The following NDE1 variants were observed in gnomAD, a reference collection of about 807,000 sequenced individuals.
NDE1 encodes nudE neurodevelopment protein 1.
In NDE1, 28 loss-of-function variants were observed where a neutral mutation model predicts 43.4. The observed-to-expected ratio is 0.65, with a 90% CI of 0.48 to 0.89. NDE1 has a LOEUF of 0.89. Ranked by LOEUF, NDE1 falls within the 40% of genes least tolerant of loss-of-function variation. The pLI, the probability that NDE1 is intolerant of heterozygous loss-of-function variation, is 0.00. For synonymous variants in NDE1, 184 were observed against 172.0 expected (o/e 1.07, Z -0.55); for missense variants, 441 against 434.1 (o/e 1.02, Z -0.14).
chr16:15,658,511 A>C (rs897887907), intron 1 of NDE1, among the ~76,000 whole-genome samples: 11 of 152,124 alleles, frequency 7.2e-5, no homozygotes, highest in Non-Finnish European at 4.4e-5. Context: ...GTGGAGGATG[A>C]TGTCAGATCC....
intron 2 of NDE1, among the ~76,000 whole-genome samples, chr16:15,666,004 C>G (rs1029260930): frequency 6.6e-6 from 1 of 152,104 alleles, no homozygotes; most frequent in Admixed American, 6.6e-5. Context: ...GATCCACTTG[C>G]CTCGGCTTCC....
At chr16:15,711,756 G>A (rs2039809713) in intron 8 of NDE1, among the ~76,000 whole-genome samples, 2 of 152,004 alleles carry the variant, frequency 1.3e-5, no homozygotes, top group Non-Finnish European at 2.9e-5. Flanking sequence ...GCAGTGGTGC[G>A]ATCTCAGCTC....
intron 3 of NDE1, among the ~76,000 whole-genome samples, chr16:15,670,746 C>G (rs941340946): frequency 6.6e-6 from 1 of 151,740 alleles, no homozygotes; most frequent in African/African-American, 2.4e-5. Context: ...GTGTTGCTGA[C>G]ACTTGGTGCT....
upstream of NDE1, among the ~76,000 whole-genome samples, chr16:15,649,638 T>C (rs1010851542): frequency 6.6e-6 from 1 of 152,182 alleles, no homozygotes; most frequent in African/African-American, 2.4e-5. Context: ...TGGCGTTTTA[T>C]AGATGGGGAA....
intron 1 of NDE1, 24 bp from the exon 2 acceptor site, chr16:15,664,712 T>C (rs1156646797): frequency 8.2e-7 from 1 of 1,215,232 alleles, no homozygotes; most frequent in Non-Finnish European, 1.2e-6. Context: ...ATGTGGGTAA[T>C]CATTTTGAAA....
In NDE1 at chr16:15,725,352, G is replaced by A. The variant is rs569742251; in HGVS notation, c.*1101G>A. ...AAGCAGCAGGTCTGAGAGTCCAGAC[G>A]AGGTGCTCTGGCTGGTCCACTCTCT... On this transcript the variant is annotated 3_prime_UTR_variant, in exon 9 of 9. Coordinates refer to ENST00000396354, the MANE Select transcript of NDE1 (RefSeq NM_017668.3). 5.3e-4 allele frequency: 297 copies of A among 560,014 alleles called. No individual in the cohort carries two copies. Among genetic ancestry groups the A allele is most frequent in the African/African-American group, 5.0e-3 (264 of 53,222 alleles). The allele number at this position is 560,014 out of a possible 1,614,324, so 34.7% of individuals were successfully genotyped here.
At chr16:15,712,351 G>A (rs887735890) in intron 8 of NDE1, among the ~76,000 whole-genome samples, 3 of 152,086 alleles carry the variant, frequency 2.0e-5, no homozygotes, top group African/African-American at 7.2e-5. Flanking sequence ...TAGCGCTGGG[G>A]AGAGATGAAA....
chr16:15,717,055 C>A (rs144011757), intron 8 of NDE1: 1 of 1,414,970 alleles, frequency 7.1e-7, no homozygotes, highest in Non-Finnish European at 1.0e-6. Context: ...AGAACTGATG[C>A]TGGAAGAGGT....
chr16:15,694,673 T>G (rs1019064489), intron 7 of NDE1: 140 of 985,354 alleles, frequency 1.4e-4, no homozygotes, highest in Non-Finnish European at 1.6e-4. Flanking sequence ...TGGTGAGTTT[T>G]AGGTGTGGCT....
intron 3 of NDE1, 105 bp downstream of exon 3, chr16:15,667,544 C>G: frequency 7.3e-7 from 1 of 1,376,264 alleles, no homozygotes; most frequent in Non-Finnish European, 1.0e-6. Flanking sequence ...CTCCAGACCC[C>G]AGGCCCATGC....
At chr16:15,681,858 C>T (rs543368933) in intron 4 of NDE1, among the ~76,000 whole-genome samples, 3 of 152,062 alleles carry the variant, frequency 2.0e-5, no homozygotes, top group Non-Finnish European at 4.4e-5. Context: ...GGATTACAGG[C>T]GCCCACTGCC....
chr16:15,673,958 C>T (rs2037732132), intron 3 of NDE1, among the ~76,000 whole-genome samples: 1 of 152,114 alleles, frequency 6.6e-6, no homozygotes, highest in Non-Finnish European at 1.5e-5. Context: ...TTGGTCTTGG[C>T]CCAGTCATTT....
intron 8 of NDE1, among the ~76,000 whole-genome samples, chr16:15,709,975 C>T (rs1365487732): frequency 6.6e-6 from 1 of 152,140 alleles, no homozygotes. Context: ...CTTGGTGAAA[C>T]TCGCACTACA....
At chr16:15,686,726 A>G (rs2038457182) in intron 4 of NDE1, 1 of 246,912 alleles carries the variant, frequency 4.1e-6, no homozygotes, top group African/African-American at 2.3e-5. Context: ...TATTATTTTG[A>G]GATGGAGTCT....
chr16:15,706,941 C>T (rs1293182366), intron 8 of NDE1, among the ~76,000 whole-genome samples: 1 of 152,178 alleles, frequency 6.6e-6, no homozygotes, highest in East Asian at 1.9e-4. Context: ...TTTCTTGGAA[C>T]TGGTTTCAAA....
chr16:15,718,799 A>G lies in NDE1; in HGVS notation c.948-5392A>G, dbSNP rs114518049. 1.4e-3 allele frequency: 599 copies of G among 419,912 alleles called. 7 individuals carry two copies. The East Asian group carries it at 0.021, about 15-fold the overall frequency. The allele number at this position is 419,912 out of a possible 1,614,324, so 26.0% of individuals were successfully genotyped here. ...CCTAACCACCATGGGTCTGTCCCCA[A>G]TCTCAGAGGACGCTTCGTCAGCAGC... is the stretch of plus-strand genomic sequence containing the variant. On this transcript the variant is annotated intron_variant, in intron 8 of 8. Transcript: ENST00000396354.
chr16:15,696,675 A>C, intron 7 of NDE1, 34 bp from the exon 8 acceptor site: 7 of 1,614,126 alleles, frequency 4.3e-6, no homozygotes, highest in Non-Finnish European at 5.9e-6. Context: ...GTCCTTGCCT[A>C]TAACTTGAGA....
Position 15,724,535 on chromosome 16 carries a change from TG to T in NDE1, c.*290del. On this transcript the variant is annotated 3_prime_UTR_variant, in exon 9 of 9. Coordinates refer to ENST00000396354, the MANE Select transcript of NDE1 (RefSeq NM_017668.3). ...GGAGAAACCCAATAGCAGGGGAAGC[TG>T]GGGGGTCAAGCACCATCGCACCAAC... 1 of 1,607,002 alleles carries T rather than the reference TG, an allele frequency of 6.2e-7. No homozygotes were observed. The highest frequency in any genetic ancestry group is 8.5e-7 in the Non-Finnish European group (1 of 1,176,522).
upstream of NDE1, among the ~76,000 whole-genome samples, chr16:15,648,217 A>C (rs949400355): frequency 2.0e-5 from 3 of 151,930 alleles, no homozygotes; most frequent in East Asian, 1.9e-4. Flanking sequence ...TGTTACAAGC[A>C]CTCCAATTAT....
Sources: gnomAD v4.1 joint callset for allele counts (sites outside exome capture counted in the v4.1 genomes callset) on GRCh38, gnomAD v4.1.1 for gene constraint, MANE v1.5 for transcripts, NCBI Gene and HGNC (gene_info 2026-07-23, HGNC 2026-07-21) for gene names.